The following ERBB4 variants were observed in gnomAD, a reference collection of about 807,000 sequenced individuals.
The protein encoded by ERBB4 is erb-b2 receptor tyrosine kinase 4.
Under a neutral mutation model 158.0 loss-of-function variants are expected in ERBB4, and 42 were observed. The observed-to-expected ratio is 0.27, with a 90% confidence interval of 0.21 to 0.34. The LOEUF (loss-of-function observed/expected upper bound fraction) is 0.34, where lower values mean the gene tolerates loss of function less well. ERBB4 is among the 10% of genes least tolerant of loss of function. The probability of loss-of-function intolerance (pLI) is 1.00; values close to 1 mark genes in which losing one functional copy is unlikely to be tolerated. For missense variants in ERBB4, 1,333 were observed against 1,624.1 expected (o/e 0.82, Z 3.08); for synonymous variants, 583 against 558.7 (o/e 1.04, Z -0.61).
chr2:211,448,231 C>A (rs1216961121), intron 20 of ERBB4, among the ~76,000 whole-genome samples: 1 of 152,092 alleles, frequency 6.6e-6, no homozygotes, highest in Non-Finnish European at 1.5e-5. Context: ...CCTCAGCCTC[C>A]CAAAGTACTG....
At chr2:212,346,780 T>C (rs952087040) in intron 1 of ERBB4, among the ~76,000 whole-genome samples, 6 of 152,080 alleles carry the variant, frequency 3.9e-5, no homozygotes, top group Non-Finnish European at 7.4e-5. Flanking sequence ...GAGCCTACCA[T>C]TTGTAATTCT....
intron 2 of ERBB4, among the ~76,000 whole-genome samples, chr2:212,028,576 C>T (rs2076828611): frequency 6.6e-6 from 1 of 152,094 alleles, no homozygotes; most frequent in African/African-American, 2.4e-5. Context: ...GCAGGGAACA[C>T]AGCAGGTTTT....
At chr2:211,465,009 T>TC (rs1276873644) in intron 20 of ERBB4, among the ~76,000 whole-genome samples, 1 of 149,766 alleles carries the variant, frequency 6.7e-6, no homozygotes, top group Admixed American at 6.7e-5. Flanking sequence ...GGCAAGGTCT[T>TC]CCTCTGCTAC....
chr2:212,031,868 T>C (rs190422330), intron 2 of ERBB4, among the ~76,000 whole-genome samples: 1 of 152,212 alleles, frequency 6.6e-6, no homozygotes, highest in Admixed American at 6.6e-5. Flanking sequence ...AGACAAGTGA[T>C]GGCAAAGATT....
intron 2 of ERBB4, among the ~76,000 whole-genome samples, chr2:212,076,424 T>C (rs2078276523): frequency 6.6e-6 from 1 of 151,920 alleles, no homozygotes; most frequent in African/African-American, 2.4e-5. Flanking sequence ...AATCCAACAG[T>C]ATTCATTAAG....
At chr2:212,382,869 C>T (rs1227375687) in intron 1 of ERBB4, among the ~76,000 whole-genome samples, 3 of 151,052 alleles carry the variant, frequency 2.0e-5, no homozygotes, top group Non-Finnish European at 4.5e-5. Flanking sequence ...TTTTTCTGTA[C>T]ATTTTATTTC....
chr2:212,499,509 A>G (rs1490996638), intron 1 of ERBB4, among the ~76,000 whole-genome samples: 2 of 152,094 alleles, frequency 1.3e-5, no homozygotes, highest in Non-Finnish European at 2.9e-5. Context: ...TAGAGACATG[A>G]GAATATTTAG....
At chr2:212,240,738 T>C (rs1411689750) in intron 1 of ERBB4, among the ~76,000 whole-genome samples, 1 of 151,574 alleles carries the variant, frequency 6.6e-6, no homozygotes, top group Admixed American at 6.6e-5. Flanking sequence ...CCCAGTTTAT[T>C]GCCATTAGAT....
intron 1 of ERBB4, among the ~76,000 whole-genome samples, chr2:212,338,288 T>C (rs966758158): frequency 1.3e-5 from 2 of 152,062 alleles, no homozygotes; most frequent in African/African-American, 4.8e-5. Flanking sequence ...TGAAAATGAG[T>C]CTGTCTTCTA....
chr2:212,366,582 A>T (rs1033265277), intron 1 of ERBB4, among the ~76,000 whole-genome samples: 1 of 152,002 alleles, frequency 6.6e-6, no homozygotes, highest in Non-Finnish European at 1.5e-5. Context: ...TTTGATTGTT[A>T]ATAGATTTCT....
chr2:212,039,441 T>C (rs2077088341), intron 2 of ERBB4, among the ~76,000 whole-genome samples: 2 of 152,192 alleles, frequency 1.3e-5, no homozygotes, highest in Admixed American at 1.3e-4. Flanking sequence ...ACATTTTGCC[T>C]CTTTAATGCT....
chr2:212,216,523 T>G (rs1215081616), intron 1 of ERBB4, among the ~76,000 whole-genome samples: 1 of 151,426 alleles, frequency 6.6e-6, no homozygotes, highest in Non-Finnish European at 1.5e-5. Context: ...AATCAATTAA[T>G]GTAACCTGTT....
chr2:211,385,984 G>T (rs370816253), intron 27 of ERBB4, among the ~76,000 whole-genome samples: 8 of 152,042 alleles, frequency 5.3e-5, no homozygotes, highest in Admixed American at 1.3e-4. Flanking sequence ...ATTTTAAAAG[G>T]TTATTTACAA....
intron 3 of ERBB4, among the ~76,000 whole-genome samples, chr2:211,934,854 C>G (rs2080270471): frequency 7.1e-6 from 1 of 141,802 alleles, no homozygotes; most frequent in African/African-American, 2.5e-5. Flanking sequence ...TCGAATTATA[C>G]AATCTGTATC....
chr2:212,057,320 C>T (rs190908607), intron 2 of ERBB4, among the ~76,000 whole-genome samples: 2 of 152,122 alleles, frequency 1.3e-5, no homozygotes, highest in Middle Eastern at 3.2e-3. Flanking sequence ...GACTCCCACA[C>T]AATAATAATG....
intron 2 of ERBB4, among the ~76,000 whole-genome samples, chr2:212,023,275 G>T (rs2076696700): frequency 6.6e-6 from 1 of 151,972 alleles, no homozygotes; most frequent in Non-Finnish European, 1.5e-5. Context: ...GTAGTCCATT[G>T]TAGTTCATTT....
At chr2:212,273,112 C>G (rs2085402899) in intron 1 of ERBB4, among the ~76,000 whole-genome samples, 1 of 151,652 alleles carries the variant, frequency 6.6e-6, no homozygotes, top group South Asian at 2.1e-4. Flanking sequence ...AGCATTCTTT[C>G]TTTCACCATT....
chr2:211,885,185 A>T (rs968756332), intron 3 of ERBB4, among the ~76,000 whole-genome samples: 1 of 152,172 alleles, frequency 6.6e-6, no homozygotes, highest in Non-Finnish European at 1.5e-5. Flanking sequence ...TAATCTTCCA[A>T]GGAAGCCCTA....
chr2:211,406,529 T>A (rs1056595737), intron 25 of ERBB4, among the ~76,000 whole-genome samples: 1 of 152,130 alleles, frequency 6.6e-6, no homozygotes, highest in Non-Finnish European at 1.5e-5. Context: ...CTCACTGATA[T>A]ACTCATCTTT....
Sources: allele counts gnomAD v4.1 joint callset (sites outside exome capture counted in the v4.1 genomes callset), GRCh38; gene constraint gnomAD v4.1.1; transcripts MANE v1.5; gene names NCBI Gene and HGNC (gene_info 2026-07-23, HGNC 2026-07-21).